Variants in POR observed in about 807,000 individuals in gnomAD.
POR encodes the protein cytochrome p450 oxidoreductase.
Under a neutral mutation model 84.0 loss-of-function variants are expected in POR, and 56 were observed. The observed-to-expected ratio is 0.67, with a 90% CI of 0.54 to 0.83. The LOEUF (loss-of-function observed/expected upper bound fraction) is 0.83. Among genes scored for constraint, POR ranks in the 40% least tolerant of loss-of-function variants. The pLI is 0.00. For missense variants in POR, 938 were observed against 944.3 expected, an observed-to-expected ratio of 0.99 and a Z score of 0.09; for synonymous variants, 414 against 400.5, an observed-to-expected ratio of 1.03 and a Z score of -0.40.
chr7:75,917,679 T>G (rs1371040643), intron 1 of POR, among the ~76,000 whole-genome samples: 1 of 152,196 alleles, frequency 6.6e-6, no homozygotes, highest in Non-Finnish European at 1.5e-5. Context: ...AGTCTCGCTC[T>G]GTCGCCCAGG....
At chr7:75,980,721 A>G (rs1554557654) in intron 5 of POR, 2 of 1,509,548 alleles carry the variant, frequency 1.3e-6, no homozygotes, top group Non-Finnish European at 1.8e-6. Context: ...TGGAGACTAA[A>G]GGCAAGAAAG....
At chr7:75,941,353 G>C (rs1018439118) in intron 1 of POR, among the ~76,000 whole-genome samples, 3 of 152,140 alleles carry the variant, frequency 2.0e-5, no homozygotes, top group African/African-American at 7.2e-5. Context: ...CACGTATTCC[G>C]GAAGTATTTC....
chr7:75,922,805 G>T (rs1439974925), intron 1 of POR: 2 of 474,964 alleles, frequency 4.2e-6, no homozygotes, highest in Admixed American at 6.2e-5. Context: ...AAAATCTCCT[G>T]AAAGCAGAAG....
Position 75,986,342 on chromosome 7 carries a change from C to T in POR, c.1904C>T (p.Ala635Val), listed in dbSNP as rs539404456. Residue 635 changes from alanine to valine, a missense_variant, in exon 16 of 16, where the codon GCA becomes GTA. Transcript: ENST00000461988. The stretch of plus-strand genomic sequence containing the variant: ...CACCCCCTCTTCCTGCCCAGGGATG[C>T]ACGGAACATGGCCAGGGATGTGCAG... 5.6e-6 allele frequency: 9 copies of T among 1,612,576 alleles called. No homozygotes were observed. The South Asian group carries it at 8.8e-5, about 16-fold the overall frequency.
intron 3 of POR, among the ~76,000 whole-genome samples, chr7:75,976,477 G>A (rs1277256036): frequency 1.3e-5 from 2 of 149,692 alleles, no homozygotes; most frequent in Non-Finnish European, 3.0e-5. Context: ...GGGTGCAGTG[G>A]CTCATGTCTG....
At chr7:75,982,118 G>A in intron 7 of POR, 106 bp from the exon 8 acceptor site, 1 of 792,162 alleles carries the variant, frequency 1.3e-6, no homozygotes, top group South Asian at 1.5e-5. Flanking sequence ...ATGTACCTGG[G>A]ACCTCACCCC....
chr7:75,916,719 A>G (rs1554548120), intron 1 of POR, among the ~76,000 whole-genome samples: 1 of 152,186 alleles, frequency 6.6e-6, no homozygotes, highest in African/African-American at 2.4e-5. Flanking sequence ...CAGGTCTAGC[A>G]CTTGAAGAAA....
At chr7:75,934,043 C>G (rs1227955093) in intron 1 of POR, among the ~76,000 whole-genome samples, 1 of 146,656 alleles carries the variant, frequency 6.8e-6, no homozygotes, top group African/African-American at 2.5e-5. Flanking sequence ...GTTGTCTAAT[C>G]ATAGAGTTTC....
In POR at chr7:75,952,780, C is replaced by T. The variant is rs548286889; in HGVS notation, c.-4-1209C>T. 7.9e-5 allele frequency among the ~76,000 whole-genome samples: 12 copies of T among 151,794 alleles called. No individual in the cohort carries two copies. In the South Asian group the frequency reaches 1.2e-3, roughly 16 times the overall value. On this transcript the variant is annotated intron_variant, in intron 1 of 15. Transcript: ENST00000461988. ...AGATGGGATGGCGGTGGAGAAGAGG[C>T]GCTCCTCACTTCCTAGATGGGATGG...
chr7:75,958,151 C>G (rs547764536), intron 2 of POR, among the ~76,000 whole-genome samples: 1 of 152,288 alleles, frequency 6.6e-6, no homozygotes, highest in African/African-American at 2.4e-5. Flanking sequence ...GGGTCTCACT[C>G]TGTCGTTCAG....
rs782605677 is a variant in POR, at chr7:75,980,765, G to A, written c.516+277G>A. On this transcript the variant is annotated intron_variant, in intron 5 of 15. Coordinates refer to ENST00000461988, the MANE Select transcript of POR (RefSeq NM_000941.3). The stretch of plus-strand genomic sequence containing the variant: ...GGACGACTGAGACCTGCCTGGCCTC[G>A]GAGAGCTGGAGCCCCAGCCCGGTGG... The A allele has an allele frequency of 4.3e-5, 62 of 1,425,576 alleles. No individual in the cohort carries two copies. In the South Asian group the frequency reaches 4.8e-4, roughly 11 times the overall value. 88.3% of individuals were successfully genotyped at this position (1,425,576 alleles called of 1,614,324 possible). A position where few individuals can be genotyped will look rare whatever the true frequency, so the allele number is the denominator to read the frequency against.
intron 1 of POR, among the ~76,000 whole-genome samples, chr7:75,944,256 A>G (rs1055024406): frequency 5.3e-5 from 8 of 152,218 alleles, no homozygotes; most frequent in African/African-American, 1.9e-4. Context: ...GCTGGGTGCA[A>G]TGGCTTACAC....
chr7:75,984,336 G>C (rs1055313302), intron 10 of POR, among the ~76,000 whole-genome samples: 5 of 152,132 alleles, frequency 3.3e-5, no homozygotes, highest in Admixed American at 6.5e-5. Context: ...TGAGCCTCCC[G>C]CTGTGAAGCC....
rs112270565 is a variant in POR at position 75,983,756 on chromosome 7, C to A, written c.966C>A (p.His322Gln). The A allele has an allele frequency of 6.2e-7, 1 of 1,610,250 alleles. No homozygotes were observed. The highest frequency in any genetic ancestry group is 2.2e-5 in the East Asian group (1 of 44,686). ...CCTCCAGGTATGAATCTGGGGACCA[C>A]GTGGCTGTGTACCCAGCCAACGACT... The change falls in exon 10 of 16, where the codon CAC becomes CAA. Residue 322 changes from histidine to glutamine, a missense_variant. By Grantham distance (24) the His-to-Gln change is conservative. Transcript: ENST00000461988.
At chr7:75,927,968 C>CTTTTT (rs1243977285) in intron 1 of POR, among the ~76,000 whole-genome samples, 9 of 107,002 alleles carry the variant, frequency 8.4e-5, no homozygotes, top group Admixed American at 2.0e-4. Flanking sequence ...TCTCAGGTTT[C>CTTTTT]TTTTTTTTTT....
At chr7:75,982,657 A>G (rs1789126836) in intron 8 of POR, among the ~76,000 whole-genome samples, 1 of 151,982 alleles carries the variant, frequency 6.6e-6, no homozygotes, top group South Asian at 2.1e-4. Flanking sequence ...CCATAGATAG[A>G]CTTGGGGGAG....
chr7:75,954,765 C>T (rs1251734613), intron 2 of POR, among the ~76,000 whole-genome samples: 3 of 148,904 alleles, frequency 2.0e-5, no homozygotes, highest in Non-Finnish European at 3.0e-5. Flanking sequence ...TGGAGTACAG[C>T]GGTGCGATCT....
At position 75,943,137 on chromosome 7, in the gene POR, G is replaced by C. The variant is rs1039500750; in HGVS notation, c.-4-10852G>C. On this transcript the variant is annotated intron_variant, in intron 1 of 15. Transcript: ENST00000461988. ...CAGCTAATTTTTTGTATTTTTAGTA[G>C]AGATGGGGTTTCACCGTGTTAGCCA... Among the ~76,000 whole-genome samples the C allele has an allele frequency of 2.6e-5, 4 of 152,130 alleles. No homozygotes were observed. In the East Asian group the frequency reaches 7.7e-4, roughly 29 times the overall value.
chr7:75,979,525 C>T lies in POR; in HGVS notation c.312C>T (p.Asp104=), dbSNP rs782013891. The change falls in exon 4 of 16, where the codon GAC becomes GAT. Residue 104 remains aspartate (D), a synonymous_variant. Transcript: ENST00000461988. ...AGTTTGCCAACCGCCTGTCCAAGGA[C>T]GCCCACCGCTACGGGATGCGAGGCA... 12 of 1,613,522 alleles carry T rather than the reference C, an allele frequency of 7.4e-6. No homozygotes were observed. Among genetic ancestry groups the T allele is most frequent in the African/African-American group, 2.7e-5 (2 of 74,922 alleles).
Sources: gnomAD v4.1 joint callset for allele counts (sites outside exome capture counted in the v4.1 genomes callset) on GRCh38, gnomAD v4.1.1 for gene constraint, MANE v1.5 for transcripts, NCBI Gene and HGNC (gene_info 2026-07-23, HGNC 2026-07-21) for gene names.